TBC1D8: variants seen among roughly 807,000 people sequenced by gnomAD.
TBC1D8 encodes TBC1 domain family member 8, also known as BUB2-like protein 1.
A neutral mutation model predicts 118.8 loss-of-function variants in TBC1D8; 65 were observed. That is an observed-to-expected ratio of 0.55 (90% CI 0.45 to 0.67). The LOEUF (loss-of-function observed/expected upper bound fraction) is 0.67. Among genes scored for constraint, TBC1D8 ranks in the 30% least tolerant of loss-of-function variants. TBC1D8 has a pLI of 0.00. For synonymous variants in TBC1D8, 566 were observed against 595.8 expected (o/e 0.95, Z 0.73); for missense variants, 1,376 against 1,471.2 (o/e 0.94, Z 1.06).
chr2:101,082,327 T>A (rs1037187454), intron 2 of TBC1D8, among the ~76,000 whole-genome samples: 4 of 151,970 alleles, frequency 2.6e-5, no homozygotes, highest in Admixed American at 1.3e-4. Context: ...TACGTAGAAA[T>A]GGCAATGAAG....
chr2:101,007,970 G>A lies in TBC1D8; in HGVS notation c.3319C>T (p.Leu1107Phe). 2 of 1,614,036 alleles carry A rather than the reference G, an allele frequency of 1.2e-6. No homozygotes were observed. The highest frequency in any genetic ancestry group is 2.2e-5 in the East Asian group (1 of 44,882). The change falls in exon 20 of 20, where the codon CTT becomes TTT. Residue 1107 changes from leucine to phenylalanine, a missense_variant. Transcript: ENST00000409318. Reference protein sequence around the residue: ...TVSLEHILASLLTEQSLVNFF... With the variant: ...TVSLEHILASFLTEQSLVNFF... Reference sequence around the variant, plus strand: ...TTGACTAATGACTGTTCAGTCAGAAGTGAAGCTAAAATATGTTCAAGGGAG... The same window carrying A: ...TTGACTAATGACTGTTCAGTCAGAAATGAAGCTAAAATATGTTCAAGGGAG...
At chr2:101,136,079 C>T (rs1678843329) in intron 1 of TBC1D8, among the ~76,000 whole-genome samples, 1 of 152,064 alleles carries the variant, frequency 6.6e-6, no homozygotes, top group Non-Finnish European at 1.5e-5. Context: ...AGGCTGGTCT[C>T]CTGGACTCAA....
At chr2:101,008,390 A>T (rs1678910658) in intron 19 of TBC1D8, 117 bp from the exon 20 acceptor site, 3 of 827,646 alleles carry the variant, frequency 3.6e-6, no homozygotes, top group Non-Finnish European at 3.6e-6. Flanking sequence ...GACACAGAAT[A>T]TAAGAAAAGG....
At chr2:101,102,466 A>T (rs1676907268) in intron 1 of TBC1D8, among the ~76,000 whole-genome samples, 1 of 152,138 alleles carries the variant, frequency 6.6e-6, no homozygotes, top group Non-Finnish European at 1.5e-5. Context: ...GTTAAAAAAA[A>T]AAAAAATCTC....
rs369113730 is a variant in TBC1D8 at position 101,050,614 on chromosome 2, A to G, written c.659T>C (p.Ile220Thr). 1.4e-5 allele frequency: 22 copies of G among 1,613,932 alleles called. No individual in the cohort carries two copies. The highest frequency in any genetic ancestry group is 1.6e-4 in the Middle Eastern group (1 of 6,062). ...ELKLVVPWVDIQKLERTSNVF... is the reference protein window; with the variant it reads ...ELKLVVPWVDTQKLERTSNVF... The stretch of plus-strand genomic sequence containing the variant: ...ATTGGACGTTCTTTCTAATTTCTGG[A>G]TATCAACCCACGGAACCACAAGTTT... The change falls in exon 5 of 20, where the codon ATC (isoleucine) becomes ACC (threonine). Residue 220 changes from isoleucine (I) to threonine (T), a missense_variant. Ile to Thr is a moderately conservative substitution (Grantham distance 89). Transcript: ENST00000409318.
At chr2:101,092,503 C>T (rs1676107908) in intron 1 of TBC1D8, among the ~76,000 whole-genome samples, 1 of 152,112 alleles carries the variant, frequency 6.6e-6, no homozygotes, top group South Asian at 2.1e-4. Context: ...TTTCCTGTTC[C>T]TCACCAAATA....
At chr2:101,015,671 T>A (rs1281556492) in intron 17 of TBC1D8, among the ~76,000 whole-genome samples, 1 of 152,202 alleles carries the variant, frequency 6.6e-6, no homozygotes, top group African/African-American at 2.4e-5. Context: ...GACTTCAAAC[T>A]ATACTACAAG....
At chr2:101,053,045 A>G (rs1003677741) in intron 4 of TBC1D8, among the ~76,000 whole-genome samples, 1 of 152,274 alleles carries the variant, frequency 6.6e-6, no homozygotes, top group Non-Finnish European at 1.5e-5. Flanking sequence ...ACAGACATGC[A>G]TATTAGTAAG....
intron 1 of TBC1D8, among the ~76,000 whole-genome samples, chr2:101,136,394 A>G (rs1056364052): frequency 4.6e-5 from 7 of 152,166 alleles, no homozygotes; most frequent in Admixed American, 4.6e-4. Flanking sequence ...AAGCTTCCTG[A>G]GGCCTCACCA....
rs923579878 is a variant in TBC1D8 at position 101,021,870 on chromosome 2, C to T, written c.2762-124G>A. The T allele has an allele frequency of 4.2e-5, 28 of 666,666 alleles. No individual in the cohort carries two copies. The African/African-American group carries it at 4.8e-4, about 12-fold the overall frequency. 41.3% of individuals were successfully genotyped at this position (666,666 alleles called of 1,614,324 possible). On this transcript the variant is annotated intron_variant, in intron 16 of 19. Transcript: ENST00000409318. ...CCTGCCACCCCCAACTCTCCTGCCC[C>T]AGACACACACCATGGTAGCAATGAA...
At chr2:101,114,493 T>C (rs1050375636) in intron 1 of TBC1D8, among the ~76,000 whole-genome samples, 4 of 152,180 alleles carry the variant, frequency 2.6e-5, no homozygotes, top group African/African-American at 9.7e-5. Context: ...TTCCGTATGC[T>C]CCAAGTACCT....
At position 101,050,478 on chromosome 2, in the gene TBC1D8, C is replaced by T. The variant is rs1681998937; in HGVS notation, c.795G>A (p.Val265=). 1 of 1,613,940 alleles carries T rather than the reference C, an allele frequency of 6.2e-7. No homozygotes were observed. The part of the protein sequence containing the change: ...VFKVMEQLAD[V]TLRRLLDNEV... ...CATTATCCAGCAGCCTTCGCAGCGT[C>T]ACGTCGGCCAGCTGCTCCATGACCT... Residue 265 remains valine, a synonymous_variant, in exon 5 of 20, where the codon GTG becomes GTA. Coordinates refer to ENST00000409318, the MANE Select transcript of TBC1D8 (RefSeq NM_001330348.2).
At chr2:101,021,107 C>T (rs1363084387) in intron 17 of TBC1D8, among the ~76,000 whole-genome samples, 1 of 152,156 alleles carries the variant, frequency 6.6e-6, no homozygotes, top group Non-Finnish European at 1.5e-5. Context: ...AGAACCACAA[C>T]CACAGCACTG....
intron 4 of TBC1D8, 46 bp downstream of exon 4, chr2:101,054,062 C>G (rs759674925): frequency 6.4e-7 from 1 of 1,556,670 alleles, no homozygotes; most frequent in South Asian, 1.2e-5. Context: ...GCGCTGAGTC[C>G]CTGGGGCCAA....
intron 2 of TBC1D8, among the ~76,000 whole-genome samples, chr2:101,064,632 TAAG>T (rs1168349913): frequency 3.9e-5 from 6 of 152,158 alleles, no homozygotes; most frequent in Admixed American, 1.3e-4. Flanking sequence ...TTCACCCACA[TAAG>T]AAGTCAAAAG....
intron 1 of TBC1D8, among the ~76,000 whole-genome samples, chr2:101,140,290 A>G (rs183243984): frequency 6.6e-6 from 1 of 152,330 alleles, no homozygotes; most frequent in East Asian, 1.9e-4. Context: ...TTTAATTTCA[A>G]ATAAAAGTAC....
At position 101,011,068 on chromosome 2, in the gene TBC1D8, A is replaced by G. The variant is rs116129734; in HGVS notation, c.2918-42T>C. ...ACAATATGTGGTTTAATTTAAATAA[A>G]TTCAGTGACAGCAAAAAGGAAACTA... On this transcript the variant is annotated intron_variant, in intron 18 of 19. Transcript: ENST00000409318. 5,730 of 1,582,442 alleles carry G rather than the reference A, an allele frequency of 3.6e-3. 11 individuals carry two copies. Among genetic ancestry groups the G allele is most frequent in the Non-Finnish European group, 4.2e-3 (4,922 of 1,159,310 alleles).
In TBC1D8 at chr2:101,044,764, T is replaced by C. The variant is rs539412692; in HGVS notation, c.873-4379A>G. Among the ~76,000 whole-genome samples, 3 of 152,296 alleles carry C rather than the reference T, an allele frequency of 2.0e-5. No homozygotes were observed. In the South Asian group the frequency reaches 6.2e-4, roughly 32 times the overall value. ...GCCACCAATCACCTTTTTGTTTTTGTTTTTGAGACAGTTGCACTCTGTTGC... is the reference window on the plus strand; with the variant it reads ...GCCACCAATCACCTTTTTGTTTTTGCTTTTGAGACAGTTGCACTCTGTTGC... On this transcript the variant is annotated intron_variant, in intron 5 of 19. Coordinates refer to ENST00000409318, the MANE Select transcript of TBC1D8 (RefSeq NM_001330348.2).
rs1281504128 is a variant in TBC1D8, at chr2:101,007,508, T to G, written c.*313A>C. ...GGCTTTTCTTGCTTCTTGGTTAGTA[T>G]GAGACATTGTGTTCATCTGAGAGCA... On this transcript the variant is annotated 3_prime_UTR_variant, in exon 20 of 20. Transcript: ENST00000409318. 3.1e-6 allele frequency: 1 copy of G among 320,790 alleles called. No homozygotes were observed. Among genetic ancestry groups the G allele is most frequent in the Non-Finnish European group, 5.8e-6 (1 of 173,336 alleles). 19.9% of individuals were successfully genotyped at this position (320,790 alleles called of 1,614,324 possible).
Sources: allele counts gnomAD v4.1 joint callset (sites outside exome capture counted in the v4.1 genomes callset), GRCh38; gene constraint gnomAD v4.1.1; transcripts MANE v1.5; gene names NCBI Gene and HGNC (gene_info 2026-07-23, HGNC 2026-07-21).